Variants in MTMR12 observed in about 807,000 individuals in gnomAD.
MTMR12 encodes the protein myotubularin-related protein 12.
Under a neutral mutation model 96.7 loss-of-function variants are expected in MTMR12, and 33 were observed. The observed-to-expected ratio is 0.34, with a 90% confidence interval of 0.26 to 0.46. The LOEUF is 0.46. MTMR12 is among the 20% of genes least tolerant of loss of function. The pLI is 1.00. For missense variants in MTMR12, 721 were observed against 896.1 expected, an observed-to-expected ratio of 0.80 and a Z score of 2.49; for synonymous variants, 298 against 327.2, an observed-to-expected ratio of 0.91 and a Z score of 0.96.
At chr5:32,284,984 C>T (rs1355359733) in intron 1 of MTMR12, among the ~76,000 whole-genome samples, 1 of 152,178 alleles carries the variant, frequency 6.6e-6, no homozygotes, top group African/African-American at 2.4e-5. Flanking sequence ...AAAGGAAAGG[C>T]AAAAACTGCT....
chr5:32,296,744 T>C (rs1234792364), intron 1 of MTMR12, among the ~76,000 whole-genome samples: 1 of 149,180 alleles, frequency 6.7e-6, no homozygotes, highest in Non-Finnish European at 1.5e-5. Flanking sequence ...AAGGTTGCAG[T>C]GAGCTATGAT....
chr5:32,297,084 C>T lies in MTMR12; in HGVS notation c.81+15674G>A, dbSNP rs1268168975. 2.8e-5 allele frequency among the ~76,000 whole-genome samples: 4 copies of T among 143,912 alleles called. No homozygotes were observed. The South Asian group carries it at 6.5e-4, about 24-fold the overall frequency. 94.4% of individuals were successfully genotyped at this position (143,912 alleles called of 152,430 possible). A position where few individuals can be genotyped will look rare whatever the true frequency, so the allele number is the denominator to read the frequency against. On this transcript the variant is annotated intron_variant, in intron 1 of 15. Transcript: ENST00000382142. ...CGCCACTGCACTCCAGCCTGGGTGACAGAGCGAGACTCCGTCTAAAAAAAA... is the reference window on the plus strand; with the variant it reads ...CGCCACTGCACTCCAGCCTGGGTGATAGAGCGAGACTCCGTCTAAAAAAAA...
chr5:32,281,645 T>TA (rs1190421486), intron 1 of MTMR12, among the ~76,000 whole-genome samples: 1 of 152,196 alleles, frequency 6.6e-6, no homozygotes, highest in African/African-American at 2.4e-5. Flanking sequence ...CTCATGCCTG[T>TA]AATCCCAGCA....
At chr5:32,307,354 G>A (rs531726418) in intron 1 of MTMR12, among the ~76,000 whole-genome samples, 34 of 152,116 alleles carry the variant, frequency 2.2e-4, no homozygotes, top group African/African-American at 7.7e-4. Context: ...CAGGTCCCCC[G>A]ACAGAGGCAC....
At chr5:32,296,494 G>A (rs115310011) in intron 1 of MTMR12, 5,224 of 353,358 alleles carry the variant, frequency 0.015, 52 homozygotes, top group Non-Finnish European at 0.022. Context: ...AAAGAAACGA[G>A]AAAAAAAAAG....
chr5:32,232,592 G>A lies in MTMR12; in HGVS notation c.1674+1181C>T, dbSNP rs144197650. On this transcript the variant is annotated intron_variant, in intron 15 of 15. Transcript: ENST00000382142. ...CACTCTGGCACAGGGCAGTTTCTCT[G>A]GTGCCAATCCAGCTCTCATGAGAAT... is the stretch of plus-strand genomic sequence containing the variant. 4.0e-4 allele frequency among the ~76,000 whole-genome samples: 61 copies of A among 152,344 alleles called. 1 individual carries two copies. Among genetic ancestry groups the A allele is most frequent in the African/African-American group, 1.4e-3 (60 of 41,584 alleles).
chr5:32,253,302 C>A (rs1450153778), intron 8 of MTMR12, among the ~76,000 whole-genome samples: 1 of 152,142 alleles, frequency 6.6e-6, no homozygotes, highest in Non-Finnish European at 1.5e-5. Context: ...TATAGTGGTA[C>A]TGTGTACATT....
chr5:32,264,386 A>G (rs1037949262), intron 6 of MTMR12, among the ~76,000 whole-genome samples: 1 of 152,230 alleles, frequency 6.6e-6, no homozygotes, highest in African/African-American at 2.4e-5. Flanking sequence ...AGATCATAGC[A>G]AAAATAAGAA....
At chr5:32,282,464 T>A (rs1012163849) in intron 1 of MTMR12, among the ~76,000 whole-genome samples, 23 of 146,934 alleles carry the variant, frequency 1.6e-4, no homozygotes, top group South Asian at 4.2e-4. Context: ...AATAAATAAA[T>A]AAAATAAAAA....
chr5:32,239,578 C>A (rs534084037), intron 12 of MTMR12, among the ~76,000 whole-genome samples: 1 of 152,094 alleles, frequency 6.6e-6, no homozygotes, highest in East Asian at 1.9e-4. Flanking sequence ...TGGAAGCCTC[C>A]GTCACTGAAC....
At chr5:32,278,820 G>A (rs1750163617) in intron 1 of MTMR12, among the ~76,000 whole-genome samples, 1 of 152,148 alleles carries the variant, frequency 6.6e-6, no homozygotes, top group Non-Finnish European at 1.5e-5. Context: ...GCTCACGCCT[G>A]TAATCCCAGC....
chr5:32,236,985 G>A (rs1327947502), intron 13 of MTMR12, among the ~76,000 whole-genome samples: 2 of 152,196 alleles, frequency 1.3e-5, no homozygotes, highest in Admixed American at 6.5e-5. Flanking sequence ...ACTGAAAGAT[G>A]TGATTTCTAT....
chr5:32,295,731 G>A (rs1000447375), intron 1 of MTMR12, among the ~76,000 whole-genome samples: 1 of 152,134 alleles, frequency 6.6e-6, no homozygotes, highest in Non-Finnish European at 1.5e-5. Flanking sequence ...TACAGATAAG[G>A]CCAATGAAGC....
chr5:32,230,231 T>C lies in MTMR12; in HGVS notation c.1791A>G (p.Lys597=). ...IKNLLGKRIS[K]LINSSDELQD... Reference sequence around the variant, plus strand: ...GGAGCTCATCAGAAGAATTAATAAGTTTGCTAATTCTCTTGCCCAGAAGGT... The same window carrying C: ...GGAGCTCATCAGAAGAATTAATAAGCTTGCTAATTCTCTTGCCCAGAAGGT... Residue 597 remains lysine, a synonymous_variant, in exon 16 of 16, where the codon AAA becomes AAG. Transcript: ENST00000382142. 6 of 1,614,172 alleles carry C rather than the reference T, an allele frequency of 3.7e-6. No homozygotes were observed. The highest frequency in any genetic ancestry group is 5.1e-6 in the Non-Finnish European group (6 of 1,180,026).
intron 7 of MTMR12, among the ~76,000 whole-genome samples, chr5:32,258,268 CTTCTGAAG>C (rs950136780): frequency 1.4e-4 from 22 of 152,186 alleles, no homozygotes; most frequent in African/African-American, 5.3e-4. Flanking sequence ...GAATGTTTGC[CTTCTGAAG>C]TTCTGAAGTA....
chr5:32,243,429 A>G (rs1748553512), intron 11 of MTMR12, 92 bp downstream of exon 11: 1 of 864,774 alleles, frequency 1.2e-6, no homozygotes, highest in Non-Finnish European at 1.9e-6. Context: ...TTAACTGTCA[A>G]ATATCAAACA....
At position 32,312,002 on chromosome 5, in the gene MTMR12, G is replaced by A. The variant is rs1751616041; in HGVS notation, c.81+756C>T. 6.6e-6 allele frequency among the ~76,000 whole-genome samples: 1 copy of A among 152,146 alleles called. No individual in the cohort carries two copies. Among genetic ancestry groups the A allele is most frequent in the African/African-American group, 2.4e-5 (1 of 41,414 alleles). On this transcript the variant is annotated intron_variant, in intron 1 of 15. Coordinates refer to ENST00000382142, the MANE Select transcript of MTMR12 (RefSeq NM_001040446.3). This position sits in a 1 kb window ranked among gnomAD's most constrained non-coding sequence, Gnocchi z 5.0. ...TCCTTTCCCCCTCAAATAAGCTCCA[G>A]GAATGCAGAGATCTCTGTCCTGTTC...
intron 6 of MTMR12, among the ~76,000 whole-genome samples, chr5:32,264,742 C>T (rs1175520141): frequency 6.6e-6 from 1 of 151,884 alleles, no homozygotes; most frequent in Non-Finnish European, 1.5e-5. Flanking sequence ...TACAGGTATG[C>T]AACACCACAC....
At chr5:32,293,532 T>C (rs1750819283) in intron 1 of MTMR12, among the ~76,000 whole-genome samples, 1 of 152,144 alleles carries the variant, frequency 6.6e-6, no homozygotes, top group Non-Finnish European at 1.5e-5. Flanking sequence ...ATCATGTAAG[T>C]TAATACTTAA....
Sources: allele counts gnomAD v4.1 joint callset (sites outside exome capture counted in the v4.1 genomes callset), GRCh38; gene constraint gnomAD v4.1.1; non-coding constraint Gnocchi (gnomAD v3.1); transcripts MANE v1.5; gene names NCBI Gene and HGNC (gene_info 2026-07-23, HGNC 2026-07-21).